Variants in JMJD1C observed in about 807,000 individuals in gnomAD.
The protein encoded by JMJD1C is jumonji domain-containing protein 1C.
JMJD1C carries 31 observed loss-of-function variants against 245.3 expected under a neutral mutation model. That is an observed-to-expected ratio of 0.13 (90% CI 0.09 to 0.17). The LOEUF (loss-of-function observed/expected upper bound fraction) is 0.17. Ranked by LOEUF, JMJD1C falls within the 10% of genes least tolerant of loss-of-function variation. The pLI is 1.00. For synonymous variants in JMJD1C, 1,057 were observed against 1,017.4 expected (o/e 1.04, Z -0.74); for missense variants, 2,691 against 3,000.2 (o/e 0.90, Z 2.41).
intron 2 of JMJD1C, among the ~76,000 whole-genome samples, chr10:63,329,357 A>C (rs1941882734): frequency 6.6e-6 from 1 of 152,032 alleles, no homozygotes; most frequent in South Asian, 2.1e-4. Context: ...AATTCCTAAA[A>C]GGTATTTTGC....
At chr10:63,198,861 T>G in intron 11 of JMJD1C, 134 bp from the exon 12 acceptor site, 1 of 523,216 alleles carries the variant, frequency 1.9e-6, no homozygotes, top group East Asian at 3.1e-5. Context: ...GGAAAACAGG[T>G]TAATTCTTCA....
At chr10:63,438,597 C>T (rs1951191339) in intron 1 of JMJD1C, among the ~76,000 whole-genome samples, 2 of 152,200 alleles carry the variant, frequency 1.3e-5, no homozygotes, top group South Asian at 4.1e-4. Context: ...AAACTATCCC[C>T]TGCCATCCTG....
chr10:63,437,683 T>C (rs566961018), intron 1 of JMJD1C, among the ~76,000 whole-genome samples: 2 of 151,384 alleles, frequency 1.3e-5, no homozygotes, highest in African/African-American at 4.8e-5. Context: ...GTCTCCAATC[T>C]ACTACCTCCA....
chr10:63,435,043 C>CA (rs1436502066), intron 1 of JMJD1C, among the ~76,000 whole-genome samples: 10 of 152,330 alleles, frequency 6.6e-5, no homozygotes, highest in Non-Finnish European at 1.3e-4. Flanking sequence ...ATAGCCTACA[C>CA]AAAAATGTTG....
chr10:63,394,963 C>T (rs1009844474), intron 1 of JMJD1C, among the ~76,000 whole-genome samples: 7 of 151,692 alleles, frequency 4.6e-5, no homozygotes, highest in South Asian at 4.2e-4. Flanking sequence ...TTACAAATCA[C>T]GTATTTCACA....
intron 1 of JMJD1C, among the ~76,000 whole-genome samples, chr10:63,399,935 T>A (rs1040312128): frequency 3.6e-4 from 55 of 151,304 alleles, no homozygotes; most frequent in South Asian, 1.0e-3. Flanking sequence ...TTCCATTTTT[T>A]AAAAAAAAAT....
intron 2 of JMJD1C, among the ~76,000 whole-genome samples, chr10:63,334,725 GAC>G (rs1942515848): frequency 6.8e-6 from 1 of 146,494 alleles, no homozygotes; most frequent in African/African-American, 2.5e-5. Context: ...TGTCTTTTGA[GAC>G]ACAGACTCAA....
chr10:63,380,142 C>CTT, intron 2 of JMJD1C, 176 bp downstream of exon 2: 1 of 516,426 alleles, frequency 1.9e-6, no homozygotes, highest in Non-Finnish European at 3.4e-6. Flanking sequence ...TGGGGTCTCG[C>CTT]TTTTTTGCCC....
chr10:63,191,409 C>T lies in JMJD1C; in HGVS notation c.6077-301G>A, dbSNP rs1047653923. On this transcript the variant is annotated intron_variant, in intron 16 of 25. Transcript: ENST00000399262. ...TTGGCCTCCCAAACTGCTGGGATTA[C>T]AGGCGTGAGCCATTGTGCGCAGCCC... 3.3e-5 allele frequency among the ~76,000 whole-genome samples: 5 copies of T among 152,196 alleles called. No homozygotes were observed. In the East Asian group the frequency reaches 5.8e-4, roughly 18 times the overall value.
chr10:63,358,959 A>C (rs1945095738), intron 2 of JMJD1C: 1 of 160,442 alleles, frequency 6.2e-6, no homozygotes, highest in Non-Finnish European at 1.4e-5. Flanking sequence ...CAAAATAATG[A>C]CCTCCTTCAA....
intron 1 of JMJD1C, among the ~76,000 whole-genome samples, chr10:63,381,252 T>C (rs1467248398): frequency 6.6e-6 from 1 of 152,170 alleles, no homozygotes; most frequent in Non-Finnish European, 1.5e-5. Flanking sequence ...ATGCCTGTAA[T>C]GCCAGCACTT....
At chr10:63,332,205 A>G (rs1488491597) in intron 2 of JMJD1C, among the ~76,000 whole-genome samples, 3 of 152,194 alleles carry the variant, frequency 2.0e-5, no homozygotes, top group Non-Finnish European at 4.4e-5. Context: ...GGACCTCAAA[A>G]TATGACTCCC....
At chr10:63,321,327 G>C (rs551370623) in intron 2 of JMJD1C, among the ~76,000 whole-genome samples, 2 of 152,344 alleles carry the variant, frequency 1.3e-5, no homozygotes, top group South Asian at 4.1e-4. Flanking sequence ...GAATTTTATA[G>C]CTGCTCAGTC....
intron 1 of JMJD1C, among the ~76,000 whole-genome samples, chr10:63,474,335 TA>T (rs1363858721): frequency 6.6e-6 from 1 of 152,160 alleles, no homozygotes; most frequent in Admixed American, 6.5e-5. Context: ...TAAGAGTGCT[TA>T]TAAAGCGGGC....
chr10:63,414,957 T>C (rs1949717388), intron 1 of JMJD1C, among the ~76,000 whole-genome samples: 3 of 148,916 alleles, frequency 2.0e-5, no homozygotes, highest in Admixed American at 2.0e-4. Context: ...AAAACTGTCC[T>C]GGATGAACTG....
chr10:63,405,867 G>A (rs941908215), intron 1 of JMJD1C, among the ~76,000 whole-genome samples: 2 of 152,166 alleles, frequency 1.3e-5, no homozygotes, highest in African/African-American at 4.8e-5. Flanking sequence ...GTAAAACAAT[G>A]AGGCTACATA....
At chr10:63,194,742 T>C (rs1290429816) in intron 13 of JMJD1C, 2 of 186,794 alleles carry the variant, frequency 1.1e-5, no homozygotes, top group Non-Finnish European at 2.3e-5. Context: ...CTGATCCTAG[T>C]ACATCAGACT....
chr10:63,205,969 G>GTGAGCCACT (rs1459091147), intron 10 of JMJD1C, among the ~76,000 whole-genome samples: 1 of 152,150 alleles, frequency 6.6e-6, no homozygotes, highest in African/African-American at 2.4e-5. Flanking sequence ...GATTACAGGA[G>GTGAGCCACT]TGAGCCACTG....
intron 3 of JMJD1C, among the ~76,000 whole-genome samples, chr10:63,247,735 A>AAG (rs1554853965): frequency 1.5e-4 from 23 of 151,294 alleles, no homozygotes; most frequent in Non-Finnish European, 2.8e-4. Flanking sequence ...AAAAAAAAAA[A>AAG]AAAGAAACAA....
Sources: gnomAD v4.1 joint callset for allele counts (sites outside exome capture counted in the v4.1 genomes callset) on GRCh38, gnomAD v4.1.1 for gene constraint, MANE v1.5 for transcripts, NCBI Gene and HGNC (gene_info 2026-07-23, HGNC 2026-07-21) for gene names.